The following ADGRL3 variants were observed in gnomAD, a reference collection of about 807,000 sequenced individuals.
ADGRL3 encodes the protein adhesion G protein-coupled receptor L3.
Under a neutral mutation model 153.5 loss-of-function variants are expected in ADGRL3, and 62 were observed. That is an observed-to-expected ratio of 0.40 (90% CI 0.33 to 0.50). The LOEUF (loss-of-function observed/expected upper bound fraction) is 0.50, where lower values mean the gene tolerates loss of function less well. Ranked by LOEUF, ADGRL3 falls within the 20% of genes least tolerant of loss-of-function variation. The probability of loss-of-function intolerance (pLI) is 0.47; values close to 1 mark genes in which losing one functional copy is unlikely to be tolerated. For missense variants in ADGRL3, 1,641 were observed against 1,859.4 expected (o/e 0.88, Z 2.16); for synonymous variants, 710 against 672.5 (o/e 1.06, Z -0.86).
In ADGRL3 at chr4:61,202,718, G is replaced by T. The variant is rs139598652; in HGVS notation, c.-240+953G>T. On this transcript the variant is annotated intron_variant, in intron 1 of 26. Coordinates refer to ENST00000683033, the MANE Select transcript of ADGRL3 (RefSeq NM_001387552.1). The surrounding 1 kb of genome is among the most constrained non-coding windows in gnomAD (Gnocchi z 5.0). ...CCCACGTCGGAGCTCAGAAGCTTAG[G>T]GTGCCAGGCCCCCAGCACTATAGGT... Among the ~76,000 whole-genome samples the T allele has an allele frequency of 5.4e-3, 823 of 152,266 alleles. 8 individuals are homozygous for T. Among genetic ancestry groups the T allele is most frequent in the African/African-American group, 0.019 (786 of 41,570 alleles).
At chr4:61,370,562 A>C (rs1054314808) in intron 1 of ADGRL3, among the ~76,000 whole-genome samples, 2 of 152,096 alleles carry the variant, frequency 1.3e-5, no homozygotes, top group Non-Finnish European at 1.5e-5. Flanking sequence ...CTTAATCCTG[A>C]GTTCTAGTTT....
intron 2 of ADGRL3, among the ~76,000 whole-genome samples, chr4:61,390,371 T>C (rs982208450): frequency 6.6e-6 from 1 of 152,124 alleles, no homozygotes; most frequent in Non-Finnish European, 1.5e-5. Flanking sequence ...ATTATGATGG[T>C]CCAAAAAAGG....
At chr4:61,496,095 A>G (rs1323268009) in intron 2 of ADGRL3, among the ~76,000 whole-genome samples, 1 of 152,322 alleles carries the variant, frequency 6.6e-6, no homozygotes, top group Middle Eastern at 3.4e-3. Flanking sequence ...AAAGAGTAAC[A>G]TCTTTTGTAA....
At chr4:61,776,747 G>T (rs1447024273) in intron 8 of ADGRL3, among the ~76,000 whole-genome samples, 1 of 152,104 alleles carries the variant, frequency 6.6e-6, no homozygotes, top group African/African-American at 2.4e-5. Context: ...GAAATCCTCT[G>T]TATTAAGAAA....
intron 13 of ADGRL3, among the ~76,000 whole-genome samples, chr4:61,922,912 TCATATGAGTAAATATGACC>T (rs1411094492): frequency 3.3e-5 from 5 of 152,166 alleles, no homozygotes; most frequent in African/African-American, 4.8e-5. Flanking sequence ...TAAAACACAG[TCATATGAGTAAATATGACC>T]CATATGAGTA....
intron 13 of ADGRL3, among the ~76,000 whole-genome samples, chr4:61,917,382 A>G (rs549068039): frequency 1.3e-5 from 2 of 152,288 alleles, no homozygotes; most frequent in East Asian, 3.9e-4. Context: ...GGTATGTGAT[A>G]ATTATTTTGT....
At chr4:61,311,621 A>G (rs1439522741) in intron 1 of ADGRL3, among the ~76,000 whole-genome samples, 2 of 152,180 alleles carry the variant, frequency 1.3e-5, no homozygotes, top group African/African-American at 2.4e-5. Flanking sequence ...CTTAGTGTTC[A>G]TAACACATCA....
intron 9 of ADGRL3, among the ~76,000 whole-genome samples, chr4:61,829,530 A>T (rs2097847179): frequency 6.6e-6 from 1 of 152,180 alleles, no homozygotes; most frequent in Non-Finnish European, 1.5e-5. Context: ...AGTTTCGTTT[A>T]CCAATGAATT....
At chr4:61,567,726 A>G (rs1240971193) in intron 4 of ADGRL3, among the ~76,000 whole-genome samples, 1 of 151,810 alleles carries the variant, frequency 6.6e-6, no homozygotes, top group Admixed American at 6.6e-5. Flanking sequence ...ACAACCCTAA[A>G]TAAAACTACT....
Position 61,979,819 on chromosome 4 carries a change from C to G in ADGRL3, c.3015+47C>G, listed in dbSNP as rs545511411. 16 of 1,471,920 alleles carry G rather than the reference C, an allele frequency of 1.1e-5. 1 individual carries two copies. The South Asian group carries it at 1.5e-4, about 14-fold the overall frequency. 91.2% of individuals were successfully genotyped at this position (1,471,920 alleles called of 1,614,324 possible). A position where few individuals can be genotyped will look rare whatever the true frequency, so the allele number is the denominator to read the frequency against. ...CAGTGAAGAATTTTTCCACTTCCAGCTTTTCAGTAGCGCCAATACTAAAAA... is the reference window on the plus strand; with the variant it reads ...CAGTGAAGAATTTTTCCACTTCCAGGTTTTCAGTAGCGCCAATACTAAAAA... On this transcript the variant is annotated intron_variant, in intron 18 of 26. Coordinates refer to ENST00000683033, the MANE Select transcript of ADGRL3 (RefSeq NM_001387552.1).
At position 61,476,731 on chromosome 4, in the gene ADGRL3, A is replaced by C. The variant is rs1380738854; in HGVS notation, c.-173-20390A>C. 9.7e-4 allele frequency among the ~76,000 whole-genome samples: 143 copies of C among 147,872 alleles called. 1 individual carries two copies. The highest frequency in any genetic ancestry group is 2.1e-3 in the African/African-American group (84 of 40,564). ...TCTAAAAAAAAAAAAAAAAAAAAAA[A>C]AAAAAAACAAAAAAACATAGAAGAA... On this transcript the variant is annotated intron_variant, in intron 2 of 26. Coordinates refer to ENST00000683033, the MANE Select transcript of ADGRL3 (RefSeq NM_001387552.1).
chr4:61,856,976 CTT>C, intron 9 of ADGRL3, among the ~76,000 whole-genome samples: 2 of 103,240 alleles, frequency 1.9e-5, no homozygotes, highest in African/African-American at 3.5e-5. Flanking sequence ...TTCTTTCTTT[CTT>C]TCTTTCTTTC....
rs1436276628 is a variant in ADGRL3, at chr4:61,979,700, C to G, written c.2943C>G (p.His981Gln). ...RGLQSDRNTI[H>Q]KNLCISLFVA... is the part of the protein sequence containing the mutation. ...TCCAGAGTGACCGTAACACCATCCA[C>G]AAGAACCTCTGCATCAGTCTCTTTG... The change falls in exon 18 of 27, where the codon CAC (histidine) becomes CAG (glutamine). Residue 981 changes from histidine to glutamine, a missense_variant. Physicochemically the swap from His to Gln is conservative, Grantham distance 24. Around this residue, in one of 5 missense-constraint regions of ADGRL3, gnomAD observed 734 missense variants for 797.0 expected, o/e 0.92. Transcript: ENST00000683033. 1.2e-6 allele frequency: 2 copies of G among 1,614,046 alleles called. No homozygotes were observed. Among genetic ancestry groups the G allele is most frequent in the Non-Finnish European group, 1.7e-6 (2 of 1,179,948 alleles).
chr4:61,529,722 A>G (rs1336621269), intron 4 of ADGRL3, among the ~76,000 whole-genome samples: 1 of 151,716 alleles, frequency 6.6e-6, no homozygotes, highest in Non-Finnish European at 1.5e-5. Flanking sequence ...ATTCAAGACC[A>G]GTTTTTTTTT....
At position 61,517,615 on chromosome 4, in the gene ADGRL3, A is replaced by AG; in HGVS notation, c.259+98dup. On this transcript the variant is annotated intron_variant, in intron 4 of 26. Coordinates refer to ENST00000683033, the MANE Select transcript of ADGRL3 (RefSeq NM_001387552.1). The stretch of plus-strand genomic sequence containing the variant: ...AATGCCCGAAATGTGTCTTCTTGTA[A>AG]GTTTACTGTCTGCATTCACTTTTGT... 7.6e-6 allele frequency: 5 copies of AG among 661,558 alleles called. No individual in the cohort carries two copies. The South Asian group carries it at 8.0e-5, about 11-fold the overall frequency. The allele number at this position is 661,558 out of a possible 1,614,324, so 41.0% of individuals were successfully genotyped here.
chr4:61,741,587 A>G (rs1437084480), intron 8 of ADGRL3, among the ~76,000 whole-genome samples: 1 of 152,182 alleles, frequency 6.6e-6, no homozygotes, highest in Non-Finnish European at 1.5e-5. Flanking sequence ...TTCCATTGCC[A>G]CTTCACAGCA....
chr4:61,273,942 A>G (rs2149835751), intron 1 of ADGRL3, among the ~76,000 whole-genome samples: 1 of 152,316 alleles, frequency 6.6e-6, no homozygotes, highest in East Asian at 1.9e-4. Context: ...ATAGCTTGAA[A>G]ACTGAAAATT....
intron 17 of ADGRL3, among the ~76,000 whole-genome samples, chr4:61,960,208 G>A (rs1240278847): frequency 6.6e-6 from 1 of 152,120 alleles, no homozygotes; most frequent in African/African-American, 2.4e-5. Flanking sequence ...TTGAAATTAT[G>A]TATTTGCTAG....
In ADGRL3 at chr4:61,945,009, G is replaced by A. The variant is rs368435157; in HGVS notation, c.2420-1905G>A. 9.7e-5 allele frequency among the ~76,000 whole-genome samples: 7 copies of A among 72,340 alleles called. 1 individual carries two copies. The highest frequency in any genetic ancestry group is 8.1e-3 in the Middle Eastern group (1 of 124). The allele number at this position is 72,340 out of a possible 152,430, so 47.5% of individuals were successfully genotyped here. A position where few individuals can be genotyped will look rare whatever the true frequency, so the allele number is the denominator to read the frequency against. On this transcript the variant is annotated intron_variant, in intron 15 of 26. Transcript: ENST00000683033. Reference sequence around the variant, plus strand: ...TGTGTTCCTTTGGAGGAGGAGAGGCGCTCTGCGTTTTAGAGTTTCCAGTTT... The same window carrying A: ...TGTGTTCCTTTGGAGGAGGAGAGGCACTCTGCGTTTTAGAGTTTCCAGTTT...
Sources: allele counts gnomAD v4.1 joint callset (sites outside exome capture counted in the v4.1 genomes callset), GRCh38; gene constraint gnomAD v4.1.1; regional missense constraint gnomAD v4.1.1; non-coding constraint Gnocchi (gnomAD v3.1); transcripts MANE v1.5; gene names NCBI Gene and HGNC (gene_info 2026-07-23, HGNC 2026-07-21).